Variants in PSMD1 observed in about 807,000 individuals in gnomAD.
PSMD1 encodes the protein 26S proteasome non-ATPase regulatory subunit 1.
In PSMD1, 18 loss-of-function variants were observed where a neutral mutation model predicts 119.0. The observed-to-expected ratio is 0.15, with a 90% CI of 0.10 to 0.22. The LOEUF (loss-of-function observed/expected upper bound fraction) is 0.22. Ranked by LOEUF, PSMD1 falls within the 10% of genes least tolerant of loss-of-function variation. The probability of loss-of-function intolerance (pLI) is 1.00; values close to 1 mark genes in which losing one functional copy is unlikely to be tolerated. For synonymous variants in PSMD1, 374 were observed against 396.6 expected (o/e 0.94, Z 0.68); for missense variants, 702 against 1,158.5 (o/e 0.61, Z 5.72).
chr2:231,098,709 A>T lies in PSMD1; in HGVS notation c.1883+11528A>T, dbSNP rs553547669. 2.0e-5 allele frequency among the ~76,000 whole-genome samples: 3 copies of T among 152,292 alleles called. No individual in the cohort carries two copies. In the South Asian group the frequency reaches 6.2e-4, roughly 32 times the overall value. On this transcript the variant is annotated intron_variant, in intron 16 of 24. Transcript: ENST00000308696. ...TTCTTCCTCTGAAAAGAGGATGCCC[A>T]AGATGGACATTAACTCGACCCAAGT... is the stretch of plus-strand genomic sequence containing the variant.
chr2:231,156,583 A>C (rs961136493), intron 19 of PSMD1, among the ~76,000 whole-genome samples: 4 of 152,020 alleles, frequency 2.6e-5, no homozygotes, highest in Non-Finnish European at 4.4e-5. Flanking sequence ...AAAGTTTTGA[A>C]TTTATTGAAA....
intron 18 of PSMD1, among the ~76,000 whole-genome samples, chr2:231,147,172 A>G (rs1038273782): frequency 1.3e-5 from 2 of 152,128 alleles, no homozygotes; most frequent in African/African-American, 4.8e-5. Flanking sequence ...GGGTGACTCC[A>G]TAATAGTTTT....
chr2:231,122,742 C>T (rs1293643002), intron 16 of PSMD1, among the ~76,000 whole-genome samples: 1 of 151,904 alleles, frequency 6.6e-6, no homozygotes, highest in East Asian at 1.9e-4. Context: ...GGTTTTAATC[C>T]ACTTACCAAC....
chr2:231,056,955 C>T lies in PSMD1; in HGVS notation c.-71C>T, dbSNP rs77415113. The T allele has an allele frequency of 2.6e-6, 4 of 1,534,648 alleles. No homozygotes were observed. The African/African-American group carries it at 4.2e-5, about 16-fold the overall frequency. On this transcript the variant is annotated 5_prime_UTR_variant, in exon 1 of 25. Coordinates refer to ENST00000308696, the MANE Select transcript of PSMD1 (RefSeq NM_002807.4). ...CAAGGAGGCGCGGTGAACTGAGCGGCCCCTGAGCTGACAGATACACTGCGC... is the reference window on the plus strand; with the variant it reads ...CAAGGAGGCGCGGTGAACTGAGCGGTCCCTGAGCTGACAGATACACTGCGC...
At chr2:231,144,735 T>C (rs972319894) in intron 17 of PSMD1, among the ~76,000 whole-genome samples, 1 of 152,276 alleles carries the variant, frequency 6.6e-6, no homozygotes, top group Admixed American at 6.5e-5. Context: ...GGTTGAATTA[T>C]ACAAATTTTG....
chr2:231,078,434 CTGT>C lies in PSMD1; in HGVS notation c.1072-219_1072-217del, dbSNP rs541315927. On this transcript the variant is annotated intron_variant, in intron 9 of 24. Transcript: ENST00000308696. ...GCTGTCCAAATTCCCCACTTAAAAT[CTGT>C]TGTTGAGCTCTGTTAAAACTGCAAA... Among the ~76,000 whole-genome samples the C allele has an allele frequency of 6.6e-5, 10 of 152,306 alleles. No homozygotes were observed. In the East Asian group the frequency reaches 1.9e-3, roughly 29 times the overall value.
intron 23 of PSMD1, among the ~76,000 whole-genome samples, chr2:231,169,992 T>C (rs1219126282): frequency 6.6e-6 from 1 of 152,204 alleles, no homozygotes; most frequent in Admixed American, 6.5e-5. Flanking sequence ...CATTCTGAAA[T>C]TGCTGGAGAA....
At chr2:231,061,911 A>G (rs1489442495) in intron 2 of PSMD1, among the ~76,000 whole-genome samples, 1 of 152,186 alleles carries the variant, frequency 6.6e-6, no homozygotes, top group Non-Finnish European at 1.5e-5. Context: ...AAACACAAAA[A>G]GTTGTTGCTT....
At chr2:231,112,154 T>G (rs1212969036) in intron 16 of PSMD1, among the ~76,000 whole-genome samples, 2 of 152,134 alleles carry the variant, frequency 1.3e-5, no homozygotes, top group African/African-American at 4.8e-5. Context: ...CACCCCAATA[T>G]ACACATACCT....
intron 15 of PSMD1, among the ~76,000 whole-genome samples, 181 bp from the exon 16 acceptor site, chr2:231,086,936 T>C (rs1198433516): frequency 6.6e-6 from 1 of 152,074 alleles, no homozygotes; most frequent in African/African-American, 2.4e-5. Flanking sequence ...TAAAAATACA[T>C]GTGTCTATTT....
At chr2:231,071,526 T>A (rs1444916739) in intron 6 of PSMD1, among the ~76,000 whole-genome samples, 1 of 152,118 alleles carries the variant, frequency 6.6e-6, no homozygotes, top group African/African-American at 2.4e-5. Context: ...TCAGTGTATG[T>A]ACTTTGCCCT....
chr2:231,129,013 G>T (rs1387042267), intron 16 of PSMD1, among the ~76,000 whole-genome samples: 1 of 152,096 alleles, frequency 6.6e-6, no homozygotes, highest in African/African-American at 2.4e-5. Context: ...GCTATACCTG[G>T]AATTATAGTT....
At chr2:231,128,360 A>G (rs1008935694) in intron 16 of PSMD1, among the ~76,000 whole-genome samples, 54 of 152,344 alleles carry the variant, frequency 3.5e-4, no homozygotes, top group Non-Finnish European at 7.1e-4. Flanking sequence ...AACAGGACCT[A>G]CAGTGGAGTT....
rs969808688 is a variant in PSMD1, at chr2:231,101,991, T to C, written c.1883+14810T>C. 3.9e-5 allele frequency among the ~76,000 whole-genome samples: 6 copies of C among 152,150 alleles called. 1 individual carries two copies. The South Asian group carries it at 1.2e-3, about 32-fold the overall frequency. On this transcript the variant is annotated intron_variant, in intron 16 of 24. Transcript: ENST00000308696. ...CCACCATGCCTGGCTAATTTTGGTTTGTTTGTTTTGCAAAGACAGTGTCTC... is the reference window on the plus strand; with the variant it reads ...CCACCATGCCTGGCTAATTTTGGTTCGTTTGTTTTGCAAAGACAGTGTCTC...
intron 17 of PSMD1, among the ~76,000 whole-genome samples, chr2:231,144,418 ATTTTTTTTTT>A (rs751682132): frequency 9.3e-5 from 7 of 75,192 alleles, no homozygotes; most frequent in Admixed American, 1.9e-4. Context: ...CGCCCAGCTA[ATTTTTTTTTT>A]TTTTTTTTTT....
chr2:231,109,439 G>T (rs182379518), intron 16 of PSMD1: 88 of 1,577,864 alleles, frequency 5.6e-5, no homozygotes, highest in Non-Finnish European at 2.1e-5. Context: ...GATAAATTGA[G>T]TCATTTTATG....
At position 231,072,145 on chromosome 2, in the gene PSMD1, G is replaced by T. The variant is rs1337793584; in HGVS notation, c.655-44G>T. 6 of 1,503,832 alleles carry T rather than the reference G, an allele frequency of 4.0e-6. No homozygotes were observed. In the African/African-American group the frequency reaches 5.6e-5, roughly 14 times the overall value. 93.2% of individuals were successfully genotyped at this position (1,503,832 alleles called of 1,614,324 possible). ...TTGTCTCCTTAAGTACCTTGTAGATGAAGTTTTTAATTATTGAATAATTGT... is the reference window on the plus strand; with the variant it reads ...TTGTCTCCTTAAGTACCTTGTAGATTAAGTTTTTAATTATTGAATAATTGT... On this transcript the variant is annotated intron_variant, in intron 6 of 24. Transcript: ENST00000308696.
At chr2:231,150,273 G>A (rs1399994730) in intron 18 of PSMD1, among the ~76,000 whole-genome samples, 1 of 150,950 alleles carries the variant, frequency 6.6e-6, no homozygotes, top group East Asian at 2.0e-4. Context: ...CTTGAACCTG[G>A]GAGGCGGAGG....
intron 19 of PSMD1, among the ~76,000 whole-genome samples, chr2:231,160,377 T>C (rs1218566376): frequency 2.6e-5 from 4 of 152,240 alleles, no homozygotes; most frequent in African/African-American, 4.8e-5. Flanking sequence ...TAATGCTCAA[T>C]GCTTTCGTAG....
Sources: allele counts gnomAD v4.1 joint callset (sites outside exome capture counted in the v4.1 genomes callset), GRCh38; gene constraint gnomAD v4.1.1; transcripts MANE v1.5; gene names NCBI Gene and HGNC (gene_info 2026-07-23, HGNC 2026-07-21).